The following XRN2 variants were observed in gnomAD, a reference collection of about 807,000 sequenced individuals.
The protein encoded by XRN2 is 5'-3' exoribonuclease 2, also known as DHM1-like protein.
XRN2 carries 44 observed loss-of-function variants against 138.5 expected under a neutral mutation model. The observed-to-expected ratio is 0.32, with a 90% CI of 0.25 to 0.41. The LOEUF (loss-of-function observed/expected upper bound fraction) is 0.41, where lower values mean the gene tolerates loss of function less well. Ranked by LOEUF, XRN2 falls within the 10% of genes least tolerant of loss-of-function variation. The probability of loss-of-function intolerance (pLI) is 1.00; values close to 1 mark genes in which losing one functional copy is unlikely to be tolerated. For missense variants in XRN2, 937 were observed against 1,169.3 expected (o/e 0.80, Z 2.90); for synonymous variants, 354 against 369.4 (o/e 0.96, Z 0.48).
intron 8 of XRN2, 132 bp downstream of exon 8, chr20:21,331,950 G>A (rs1475899453): frequency 1.2e-5 from 12 of 973,296 alleles, no homozygotes; most frequent in Non-Finnish European, 1.9e-5. Flanking sequence ...GTTCGACAGG[G>A]AACTAGTATT....
intron 24 of XRN2, among the ~76,000 whole-genome samples, chr20:21,358,598 A>T (rs1568589538): frequency 6.6e-6 from 1 of 151,208 alleles, no homozygotes. Context: ...AATATTTTAG[A>T]TTTTTTTTTA....
At chr20:21,362,486 TTCCCATCC>T (rs2038648531) in intron 24 of XRN2, among the ~76,000 whole-genome samples, 1 of 152,160 alleles carries the variant, frequency 6.6e-6, no homozygotes, top group Non-Finnish European at 1.5e-5. Context: ...TTTCCCAACG[TTCCCATCC>T]AAGATGTGTG....
At chr20:21,367,998 G>A (rs1029640565) in intron 26 of XRN2, among the ~76,000 whole-genome samples, 2 of 152,080 alleles carry the variant, frequency 1.3e-5, no homozygotes, top group Non-Finnish European at 2.9e-5. Flanking sequence ...AAATGGTTTA[G>A]TAAAGTATAA....
At chr20:21,314,576 T>C (rs2037931483) in intron 1 of XRN2, among the ~76,000 whole-genome samples, 1 of 152,086 alleles carries the variant, frequency 6.6e-6, no homozygotes. Context: ...AGCCTTGAAC[T>C]CCTGGGTTCA....
At chr20:21,352,680 C>T (rs1401383830) in intron 20 of XRN2, among the ~76,000 whole-genome samples, 1 of 152,074 alleles carries the variant, frequency 6.6e-6, no homozygotes, top group Non-Finnish European at 1.5e-5. Flanking sequence ...TTGCTTAGTA[C>T]TATATAGATA....
chr20:21,354,917 A>G (rs1199219601), intron 21 of XRN2, 45 bp downstream of exon 21: 3 of 1,471,482 alleles, frequency 2.0e-6, no homozygotes, highest in African/African-American at 1.4e-5. Flanking sequence ...TGTAATATAC[A>G]CTTTATATTT....
At chr20:21,369,224 ATTG>A in intron 27 of XRN2, among the ~76,000 whole-genome samples, 1 of 152,272 alleles carries the variant, frequency 6.6e-6, no homozygotes, top group Admixed American at 6.5e-5. Flanking sequence ...TTCCATCCAC[ATTG>A]TTACAGGTGA....
At chr20:21,355,713 A>T (rs956554397) in intron 21 of XRN2, among the ~76,000 whole-genome samples, 4 of 151,994 alleles carry the variant, frequency 2.6e-5, no homozygotes, top group African/African-American at 9.7e-5. Flanking sequence ...AATTTTTTTT[A>T]AATTGATATG....
rs73130909 is a variant in XRN2 at position 21,335,220 on chromosome 20, G to A, written c.1233+1035G>A. ...GGAGTGGAGGAGCAGCAGCCTGGAG[G>A]CAGAGTGATTGGAGGGTGATTGCAG... On this transcript the variant is annotated intron_variant, in intron 13 of 29. Coordinates refer to ENST00000377191, the MANE Select transcript of XRN2 (RefSeq NM_012255.5). Among the ~76,000 whole-genome samples the A allele has an allele frequency of 7.2e-3, 1,092 of 152,312 alleles. 6 individuals are homozygous for A. The highest frequency in any genetic ancestry group is 0.012 in the Non-Finnish European group (817 of 68,028).
At chr20:21,339,597 T>A (rs998412428) in intron 14 of XRN2, among the ~76,000 whole-genome samples, 1 of 152,190 alleles carries the variant, frequency 6.6e-6, no homozygotes, top group Non-Finnish European at 1.5e-5. Flanking sequence ...GTCTTCTAAA[T>A]ACGCCATATC....
intron 23 of XRN2, among the ~76,000 whole-genome samples, chr20:21,357,364 G>C (rs952273189): frequency 1.3e-5 from 2 of 152,124 alleles, no homozygotes; most frequent in African/African-American, 4.8e-5. Context: ...TAGGAGGTTT[G>C]TCAAGGTGGT....
At chr20:21,341,861 T>A (rs997533667) in intron 15 of XRN2, among the ~76,000 whole-genome samples, 8 of 151,974 alleles carry the variant, frequency 5.3e-5, no homozygotes, top group Non-Finnish European at 7.4e-5. Flanking sequence ...CTTTTTTTTT[T>A]AAATCTTGGG....
At chr20:21,349,338 A>G (rs2038477792) in intron 19 of XRN2, 51 bp from the exon 20 acceptor site, 1 of 1,201,030 alleles carries the variant, frequency 8.3e-7, no homozygotes, top group Admixed American at 1.7e-5. Context: ...ATTCTTTATA[A>G]CAGAGATGTG....
At chr20:21,367,323 T>C (rs922708666) in intron 26 of XRN2, among the ~76,000 whole-genome samples, 2 of 152,084 alleles carry the variant, frequency 1.3e-5, no homozygotes, top group Non-Finnish European at 2.9e-5. Context: ...TGTTAATGAG[T>C]TAGGATTCAT....
At chr20:21,354,704 T>G (rs771020974) in intron 20 of XRN2, 85 bp from the exon 21 acceptor site, 1 of 1,300,476 alleles carries the variant, frequency 7.7e-7, no homozygotes, top group Admixed American at 1.9e-5. Context: ...GAAACTCTAC[T>G]AGAAACGTTC....
intron 1 of XRN2, among the ~76,000 whole-genome samples, chr20:21,318,807 A>G (rs1181521090): frequency 1.3e-5 from 2 of 151,968 alleles, no homozygotes; most frequent in African/African-American, 4.8e-5. Context: ...CATTGTGGTC[A>G]GAGTGTATAC....
intron 27 of XRN2, among the ~76,000 whole-genome samples, chr20:21,372,632 AATTAG>A (rs1247932532): frequency 1.3e-5 from 2 of 152,216 alleles, no homozygotes; most frequent in South Asian, 2.1e-4. Flanking sequence ...AAGTTTTGAA[AATTAG>A]ATTATTGTAC....
chr20:21,320,067 G>C (rs2038016545), intron 1 of XRN2, among the ~76,000 whole-genome samples: 1 of 151,982 alleles, frequency 6.6e-6, no homozygotes, highest in Non-Finnish European at 1.5e-5. Context: ...GAAGAACTTC[G>C]TTTAGTAGTT....
rs111442644 is a variant in XRN2 at position 21,304,995 on chromosome 20, C to T, written c.75+1522C>T. The stretch of plus-strand genomic sequence containing the variant: ...ATGTACTGTGATTTTGTTTTTTGTG[C>T]TGCTTTTGTCTTTTTCCCTGGGGCT... On this transcript the variant is annotated intron_variant, in intron 1 of 29. Coordinates refer to ENST00000377191, the MANE Select transcript of XRN2 (RefSeq NM_012255.5). 3.9e-5 allele frequency among the ~76,000 whole-genome samples: 6 copies of T among 152,202 alleles called. 1 individual carries two copies. The highest frequency in any genetic ancestry group is 1.4e-4 in the African/African-American group (6 of 41,526).
Sources: gnomAD v4.1 joint callset for allele counts (sites outside exome capture counted in the v4.1 genomes callset) on GRCh38, gnomAD v4.1.1 for gene constraint, MANE v1.5 for transcripts, NCBI Gene and HGNC (gene_info 2026-07-23, HGNC 2026-07-21) for gene names.